TMEM120B: variants seen among roughly 807,000 people sequenced by gnomAD.
The protein encoded by TMEM120B is transmembrane protein 120B.
TMEM120B carries 31 observed loss-of-function variants against 55.5 expected under a neutral mutation model. The observed-to-expected ratio is 0.56, with a 90% CI of 0.42 to 0.75. The LOEUF (loss-of-function observed/expected upper bound fraction) is 0.75. TMEM120B is among the 30% of genes least tolerant of loss of function. The probability of loss-of-function intolerance (pLI) is 0.00; values close to 1 mark genes in which losing one functional copy is unlikely to be tolerated. For missense variants in TMEM120B, 399 were observed against 425.5 expected (o/e 0.94, Z 0.55); for synonymous variants, 203 against 176.3 (o/e 1.15, Z -1.20).
At position 121,779,278 on chromosome 12, in the gene TMEM120B, T is replaced by C. The variant is rs1874351835; in HGVS notation, c.*3556T>C. Reference sequence around the variant, plus strand: ...AGTCCCGACAACAGACACTGGCTCCTGCACCCACATCACCACCATGTCCCA... The same window carrying C: ...AGTCCCGACAACAGACACTGGCTCCCGCACCCACATCACCACCATGTCCCA... On this transcript the variant is annotated 3_prime_UTR_variant, in exon 12 of 12. Coordinates refer to ENST00000449592, the MANE Select transcript of TMEM120B (RefSeq NM_001080825.2). 1.7e-6 allele frequency: 1 copy of C among 588,748 alleles called. No homozygotes were observed. Among genetic ancestry groups the C allele is most frequent in the Non-Finnish European group, 3.0e-6 (1 of 332,614 alleles). The allele number at this position is 588,748 out of a possible 1,614,324, so 36.5% of individuals were successfully genotyped here. A position where few individuals can be genotyped will look rare whatever the true frequency, so the allele number is the denominator to read the frequency against.
rs1244205801 is a variant in TMEM120B at position 121,779,467 on chromosome 12, C to G, written c.*3745C>G. On this transcript the variant is annotated 3_prime_UTR_variant, in exon 12 of 12. Transcript: ENST00000449592. Reference sequence around the variant, plus strand: ...CGGCACCTGGGCCCCCGGGCCCTGTCAGTGCTGTCGTGAGGTCTGTCTGCC... The same window carrying G: ...CGGCACCTGGGCCCCCGGGCCCTGTGAGTGCTGTCGTGAGGTCTGTCTGCC... The G allele has an allele frequency of 5.6e-6, 9 of 1,604,218 alleles. No individual in the cohort carries two copies. The East Asian group carries it at 2.0e-4, about 36-fold the overall frequency.
chr12:121,723,224 G>A (rs1403776924), intron 1 of TMEM120B, among the ~76,000 whole-genome samples: 1 of 152,114 alleles, frequency 6.6e-6, no homozygotes, highest in Non-Finnish European at 1.5e-5. Context: ...CTGAAGTGCA[G>A]TGGCGGTATC....
At chr12:121,744,199 C>T (rs960774366) in intron 2 of TMEM120B, among the ~76,000 whole-genome samples, 2 of 152,080 alleles carry the variant, frequency 1.3e-5, no homozygotes, top group South Asian at 2.1e-4. Context: ...GCTGTGATTA[C>T]AGGCATGAGC....
intron 1 of TMEM120B, among the ~76,000 whole-genome samples, chr12:121,714,120 A>G (rs971805182): frequency 2.0e-5 from 3 of 152,098 alleles, no homozygotes; most frequent in Non-Finnish European, 4.4e-5. Flanking sequence ...ATAGAGGGGA[A>G]GGGACCTAGA....
intron 1 of TMEM120B, among the ~76,000 whole-genome samples, chr12:121,734,065 T>A (rs936707876): frequency 6.6e-6 from 1 of 151,832 alleles, no homozygotes; most frequent in African/African-American, 2.4e-5. Context: ...TGGCCCAGGG[T>A]GAGTGGTGTT....
chr12:121,775,859 T>C lies in TMEM120B; in HGVS notation c.*137T>C. On this transcript the variant is annotated 3_prime_UTR_variant, in exon 12 of 12. Transcript: ENST00000449592. This position sits in a 1 kb window ranked among gnomAD's most constrained non-coding sequence, Gnocchi z 4.3. ...GGTCCCCCAGTGGACCCCAGTGGTC[T>C]AGAGGAATGTGAGCCCCGCCTGTCC... 1.1e-6 allele frequency: 1 copy of C among 880,612 alleles called. No homozygotes were observed. The highest frequency in any genetic ancestry group is 2.6e-5 in the East Asian group (1 of 38,130). The allele number at this position is 880,612 out of a possible 1,614,324, so 54.5% of individuals were successfully genotyped here.
At chr12:121,737,604 A>G (rs1228988581) in intron 1 of TMEM120B, among the ~76,000 whole-genome samples, 3 of 152,080 alleles carry the variant, frequency 2.0e-5, no homozygotes, top group East Asian at 1.9e-4. Context: ...TGCCATTTGC[A>G]TCATGTGACT....
chr12:121,762,210 T>C (rs979865312), intron 6 of TMEM120B, among the ~76,000 whole-genome samples: 2 of 151,454 alleles, frequency 1.3e-5, no homozygotes, highest in Non-Finnish European at 2.9e-5. Context: ...GAGGCAGAGG[T>C]TGCAGTGAGC....
chr12:121,735,474 C>G (rs1205447396), intron 1 of TMEM120B, among the ~76,000 whole-genome samples: 2 of 151,674 alleles, frequency 1.3e-5, no homozygotes, highest in African/African-American at 2.4e-5. Context: ...TCTCGGCTCA[C>G]TGCAACCTCC....
intron 3 of TMEM120B, among the ~76,000 whole-genome samples, chr12:121,749,923 A>G (rs1179690279): frequency 6.6e-6 from 1 of 151,612 alleles, no homozygotes; most frequent in Non-Finnish European, 1.5e-5. Flanking sequence ...AAAAAAAACA[A>G]AAAACACTGC....
intron 1 of TMEM120B, among the ~76,000 whole-genome samples, chr12:121,735,434 C>G (rs996226771): frequency 6.6e-6 from 1 of 150,744 alleles, no homozygotes; most frequent in Non-Finnish European, 1.5e-5. Flanking sequence ...GAGTCTTGCT[C>G]TGTTGCCAGG....
Position 121,748,342 on chromosome 12 carries a change from A to C in TMEM120B, c.205A>C (p.Ser69Arg), listed in dbSNP as rs369979098. ...LTLQRCKRHA[S>R]REEAELVQQM... Reference sequence around the variant, plus strand: ...TGTCCGCAGGTGCAAACGCCATGCCAGTCGGGAGGAGGCGGAGCTCGTTCA... The same window carrying C: ...TGTCCGCAGGTGCAAACGCCATGCCCGTCGGGAGGAGGCGGAGCTCGTTCA... Residue 69 changes from serine (S) to arginine (R), a missense_variant, in exon 3 of 12, where the codon AGT becomes CGT. Coordinates refer to ENST00000449592, the MANE Select transcript of TMEM120B (RefSeq NM_001080825.2). 31 of 1,610,390 alleles carry C rather than the reference A, an allele frequency of 1.9e-5. No individual in the cohort carries two copies. In the South Asian group the frequency reaches 2.9e-4, roughly 15 times the overall value.
At position 121,775,505 on chromosome 12, in the gene TMEM120B, T is replaced by C; in HGVS notation, c.907-104T>C. 1 of 1,487,958 alleles carries C rather than the reference T, an allele frequency of 6.7e-7. No individual in the cohort carries two copies. The highest frequency in any genetic ancestry group is 8.9e-7 in the Non-Finnish European group (1 of 1,122,962). 92.2% of individuals were successfully genotyped at this position (1,487,958 alleles called of 1,614,324 possible). On this transcript the variant is annotated intron_variant, in intron 11 of 11. Coordinates refer to ENST00000449592, the MANE Select transcript of TMEM120B (RefSeq NM_001080825.2). The surrounding 1 kb of genome is among the most constrained non-coding windows in gnomAD (Gnocchi z 4.3). ...TGCCTTCGATGGCAAAACCCTGCAG[T>C]TTGGGAGTTTGGGGGCAGCTGTGCT...
intron 5 of TMEM120B, among the ~76,000 whole-genome samples, chr12:121,753,580 C>CA (rs113566269): frequency 2.4e-4 from 35 of 143,922 alleles, no homozygotes; most frequent in South Asian, 8.9e-4. Flanking sequence ...CAAAAACAAA[C>CA]AAAAAAAAAA....
chr12:121,742,721 G>A (rs1191813977), intron 1 of TMEM120B, among the ~76,000 whole-genome samples: 1 of 152,064 alleles, frequency 6.6e-6, no homozygotes, highest in Non-Finnish European at 1.5e-5. Context: ...AAGTAGTTGG[G>A]ATTACAGACG....
chr12:121,771,876 C>T (rs968160450), intron 8 of TMEM120B, among the ~76,000 whole-genome samples: 2 of 152,120 alleles, frequency 1.3e-5, no homozygotes, highest in Non-Finnish European at 1.5e-5. Context: ...TTTTTCTCAT[C>T]TGAAAATTGC....
chr12:121,731,602 C>G (rs547915145), intron 1 of TMEM120B, among the ~76,000 whole-genome samples: 1 of 152,010 alleles, frequency 6.6e-6, no homozygotes, highest in South Asian at 2.1e-4. Flanking sequence ...GTTTGTAGCC[C>G]AGGAGCAATA....
Position 121,777,364 on chromosome 12 carries a change from C to G in TMEM120B, c.*1642C>G, listed in dbSNP as rs556315735. 3 of 152,394 alleles carry G rather than the reference C, an allele frequency of 2.0e-5. No individual in the cohort carries two copies. The highest frequency in any genetic ancestry group is 4.1e-4 in the South Asian group (2 of 4,828). The allele number at this position is 152,394 out of a possible 1,614,324, so 9.4% of individuals were successfully genotyped here. A position where few individuals can be genotyped will look rare whatever the true frequency, so the allele number is the denominator to read the frequency against. ...TCATGGGCTCAACTCATCCTCCTAT[C>G]TTGGCCTCCCAAAGCGCTGGGATTA... On this transcript the variant is annotated 3_prime_UTR_variant, in exon 12 of 12. Coordinates refer to ENST00000449592, the MANE Select transcript of TMEM120B (RefSeq NM_001080825.2).
At chr12:121,757,141 G>GT (rs1566519818) in intron 5 of TMEM120B, among the ~76,000 whole-genome samples, 1 of 18,006 alleles carries the variant, frequency 5.6e-5, no homozygotes, top group African/African-American at 2.1e-4. Flanking sequence ...CCTGGGCGGT[G>GT]GGGGGGGGGG....
Sources: allele counts gnomAD v4.1 joint callset (sites outside exome capture counted in the v4.1 genomes callset), GRCh38; gene constraint gnomAD v4.1.1; non-coding constraint Gnocchi (gnomAD v3.1); transcripts MANE v1.5; gene names NCBI Gene and HGNC (gene_info 2026-07-23, HGNC 2026-07-21).